The following GPC6 variants were observed in gnomAD, a reference collection of about 807,000 sequenced individuals.
GPC6 encodes the protein glypican 6.
In GPC6, 14 loss-of-function variants were observed where a neutral mutation model predicts 55.2. The ratio of observed to expected loss-of-function variants is 0.25; its 90% CI spans 0.17 to 0.40. GPC6 has a LOEUF of 0.40. Among genes scored for constraint, GPC6 ranks in the 10% least tolerant of loss-of-function variants. The pLI is 1.00. For missense variants in GPC6, 641 were observed against 708.5 expected, an observed-to-expected ratio of 0.90 and a Z score of 1.08; for synonymous variants, 278 against 259.6, an observed-to-expected ratio of 1.07 and a Z score of -0.68.
intron 3 of GPC6, among the ~76,000 whole-genome samples, chr13:94,011,665 C>T (rs1341780254): frequency 6.6e-6 from 1 of 152,114 alleles, no homozygotes; most frequent in Non-Finnish European, 1.5e-5. Flanking sequence ...CCCAATATTC[C>T]ACTTTGAGTT....
intron 5 of GPC6, among the ~76,000 whole-genome samples, chr13:94,299,179 C>A (rs1012046894): frequency 6.6e-6 from 1 of 151,894 alleles, no homozygotes; most frequent in Non-Finnish European, 1.5e-5. Context: ...TCTGCGTAAT[C>A]CTTAGATTTG....
chr13:93,772,381 C>A (rs990927522), intron 2 of GPC6, among the ~76,000 whole-genome samples: 2 of 151,850 alleles, frequency 1.3e-5, no homozygotes, highest in African/African-American at 4.8e-5. Context: ...AGCTAAAGCC[C>A]TGTTGTCTCC....
intron 3 of GPC6, among the ~76,000 whole-genome samples, chr13:94,006,411 T>C (rs1313755489): frequency 6.6e-6 from 1 of 152,172 alleles, no homozygotes; most frequent in Non-Finnish European, 1.5e-5. Flanking sequence ...CCGAGGCTTA[T>C]ACAGCTTCAG....
intron 3 of GPC6, among the ~76,000 whole-genome samples, chr13:93,909,914 A>T (rs1005376419): frequency 6.6e-6 from 1 of 151,924 alleles, no homozygotes; most frequent in Non-Finnish European, 1.5e-5. Context: ...CCATCCAATC[A>T]ACAACGTAGA....
chr13:93,472,535 C>G (rs1292682427), intron 1 of GPC6, among the ~76,000 whole-genome samples: 1 of 152,218 alleles, frequency 6.6e-6, no homozygotes, highest in Admixed American at 6.5e-5. Context: ...TTACTGCAAA[C>G]AGCTTCCCTG....
At chr13:93,444,232 T>C (rs1259721989) in intron 1 of GPC6, among the ~76,000 whole-genome samples, 3 of 143,954 alleles carry the variant, frequency 2.1e-5, no homozygotes, top group Admixed American at 1.5e-4. Context: ...TGGTATTAAG[T>C]GGGGATGAGA....
At chr13:93,358,512 T>C (rs989433636) in intron 1 of GPC6, among the ~76,000 whole-genome samples, 11 of 152,214 alleles carry the variant, frequency 7.2e-5, no homozygotes, top group Admixed American at 5.9e-4. Flanking sequence ...CAGCCACAGG[T>C]CCCACCGCCC....
At chr13:93,262,069 T>TG (rs1877168686) in intron 1 of GPC6, among the ~76,000 whole-genome samples, 1 of 152,068 alleles carries the variant, frequency 6.6e-6, no homozygotes, top group Non-Finnish European at 1.5e-5. Flanking sequence ...GACATATTGA[T>TG]GAGTATACAG....
intron 3 of GPC6, among the ~76,000 whole-genome samples, chr13:93,960,251 C>T (rs894331987): frequency 6.6e-6 from 1 of 152,122 alleles, no homozygotes; most frequent in Non-Finnish European, 1.5e-5. Context: ...CAAACCAAAA[C>T]GTTTTTACAT....
chr13:93,563,545 C>T (rs143450857), intron 2 of GPC6, among the ~76,000 whole-genome samples: 3 of 152,114 alleles, frequency 2.0e-5, no homozygotes, highest in Admixed American at 2.0e-4. Context: ...AATCAGAGCT[C>T]ACATCTGTAG....
At chr13:93,331,548 C>T (rs1057303023) in intron 1 of GPC6, among the ~76,000 whole-genome samples, 1 of 152,094 alleles carries the variant, frequency 6.6e-6, no homozygotes, top group Non-Finnish European at 1.5e-5. Flanking sequence ...CTTATATAAG[C>T]ATATGCATAT....
At chr13:94,152,032 C>G (rs768593318) in intron 4 of GPC6, among the ~76,000 whole-genome samples, 1 of 152,042 alleles carries the variant, frequency 6.6e-6, no homozygotes, top group Non-Finnish European at 1.5e-5. Flanking sequence ...CTAGAGCAAT[C>G]TACAGGGACT....
intron 1 of GPC6, among the ~76,000 whole-genome samples, chr13:93,439,701 A>T (rs1877713725): frequency 6.7e-6 from 1 of 149,460 alleles, no homozygotes; most frequent in East Asian, 1.9e-4. Context: ...AAAAAAAATA[A>T]AATAAAATAA....
chr13:94,077,757 TGTA>T (rs80214376), intron 4 of GPC6, among the ~76,000 whole-genome samples: 21,715 of 151,864 alleles, frequency 0.14, 1,925 homozygotes, highest in South Asian at 0.25. Flanking sequence ...ATTCCCTTAA[TGTA>T]GTATTTCATA....
chr13:93,442,502 C>T (rs928954809), intron 1 of GPC6, among the ~76,000 whole-genome samples: 2 of 152,178 alleles, frequency 1.3e-5, no homozygotes, highest in African/African-American at 4.8e-5. Flanking sequence ...CCTTCTACCA[C>T]CTCCCATCTC....
chr13:94,119,759 C>A (rs551410564), intron 4 of GPC6, among the ~76,000 whole-genome samples: 1 of 152,116 alleles, frequency 6.6e-6, no homozygotes, highest in South Asian at 2.1e-4. Context: ...TTTTACTCAG[C>A]AGTATGCTAG....
chr13:93,925,040 G>A (rs192938985), intron 3 of GPC6, among the ~76,000 whole-genome samples: 314 of 152,202 alleles, frequency 2.1e-3, no homozygotes, highest in African/African-American at 7.4e-3. Context: ...ATATTTAAAA[G>A]GTTATCATTT....
intron 4 of GPC6, among the ~76,000 whole-genome samples, chr13:94,262,300 T>A (rs963589008): frequency 1.8e-4 from 27 of 152,056 alleles, no homozygotes; most frequent in African/African-American, 6.5e-4. Flanking sequence ...ACAGGCAAGA[T>A]CCTGACTTAC....
intron 6 of GPC6, among the ~76,000 whole-genome samples, chr13:94,332,646 T>C (rs529775073): frequency 3.2e-4 from 48 of 152,372 alleles, no homozygotes; most frequent in African/African-American, 1.0e-3. Flanking sequence ...TAAAATCTTA[T>C]GATAGTTTCA....
Sources: gnomAD v4.1 joint callset for allele counts (sites outside exome capture counted in the v4.1 genomes callset) on GRCh38, gnomAD v4.1.1 for gene constraint, MANE v1.5 for transcripts, NCBI Gene and HGNC (gene_info 2026-07-23, HGNC 2026-07-21) for gene names.